The following PARD3 variants were observed in gnomAD, a reference collection of about 807,000 sequenced individuals.
PARD3 encodes the protein par-3 family cell polarity regulator.
In PARD3, 75 loss-of-function variants were observed where a neutral mutation model predicts 155.4. That is an observed-to-expected ratio of 0.48 (90% CI 0.40 to 0.58). The LOEUF (loss-of-function observed/expected upper bound fraction) is 0.58. PARD3 is among the 20% of genes least tolerant of loss of function. The pLI, the probability that PARD3 is intolerant of heterozygous loss-of-function variation, is 0.00. For missense variants in PARD3, 1,642 were observed against 1,721.7 expected (o/e 0.95, Z 0.82); for synonymous variants, 576 against 610.5 (o/e 0.94, Z 0.83).
intron 2 of PARD3, among the ~76,000 whole-genome samples, chr10:34,694,341 G>A (rs1041904125): frequency 6.6e-6 from 1 of 151,894 alleles, no homozygotes; most frequent in Non-Finnish European, 1.5e-5. Flanking sequence ...AATGAAAGAT[G>A]GTACTCTTCA....
intron 2 of PARD3, among the ~76,000 whole-genome samples, chr10:34,639,373 AAAAAT>A (rs1160758540): frequency 1.1e-4 from 17 of 152,000 alleles, no homozygotes; most frequent in African/African-American, 3.9e-4. Flanking sequence ...TCAAAAAAAT[AAAAAT>A]AAAAGTAAAA....
intron 1 of PARD3, among the ~76,000 whole-genome samples, chr10:34,697,429 T>C (rs1425418857): frequency 2.6e-5 from 4 of 152,160 alleles, no homozygotes; most frequent in African/African-American, 9.7e-5. Flanking sequence ...AGAGTTAAAA[T>C]ACAGATTCCT....
chr10:34,383,244 A>T, intron 8 of PARD3, among the ~76,000 whole-genome samples: 1 of 152,224 alleles, frequency 6.6e-6, no homozygotes, highest in Middle Eastern at 3.2e-3. Flanking sequence ...ATAGAAACCA[A>T]ATGGAACATT....
At chr10:34,381,257 C>T (rs1359924056) in intron 9 of PARD3, among the ~76,000 whole-genome samples, 1 of 152,118 alleles carries the variant, frequency 6.6e-6, no homozygotes, top group African/African-American at 2.4e-5. Context: ...CTGTGGCCAA[C>T]AGCCACATGA....
chr10:34,457,021 T>G (rs1374426910), intron 4 of PARD3, among the ~76,000 whole-genome samples: 5 of 152,222 alleles, frequency 3.3e-5, no homozygotes, highest in Admixed American at 3.3e-4. Context: ...ACAATTCCTG[T>G]CATGGCAGCA....
chr10:34,568,795 T>C (rs7899568), intron 2 of PARD3, among the ~76,000 whole-genome samples: 82,050 of 152,100 alleles, frequency 0.54, 25,315 homozygotes, highest in African/African-American at 0.87. Context: ...ATTTCCTCAA[T>C]TGTAAAAAAG....
At chr10:34,585,089 C>T (rs1286131834) in intron 2 of PARD3, among the ~76,000 whole-genome samples, 1 of 152,104 alleles carries the variant, frequency 6.6e-6, no homozygotes, top group Non-Finnish European at 1.5e-5. Flanking sequence ...TCTTCTAGAT[C>T]ATTAAAAGAA....
chr10:34,764,489 T>C (rs940221189), intron 1 of PARD3, among the ~76,000 whole-genome samples: 3 of 152,132 alleles, frequency 2.0e-5, no homozygotes, highest in African/African-American at 7.2e-5. Context: ...TTGGGGGATT[T>C]GCTTTGAACT....
intron 1 of PARD3, among the ~76,000 whole-genome samples, chr10:34,709,919 A>G (rs1260727745): frequency 6.6e-6 from 1 of 152,082 alleles, no homozygotes. Flanking sequence ...AAACAAATTT[A>G]ATGACCCAGG....
intron 2 of PARD3, among the ~76,000 whole-genome samples, chr10:34,558,474 T>C (rs558889239): frequency 1.7e-4 from 26 of 152,282 alleles, no homozygotes; most frequent in African/African-American, 6.3e-4. Flanking sequence ...GGGGAATGAG[T>C]TCTATCTCCT....
At chr10:34,677,402 C>T (rs1268792768) in intron 2 of PARD3, among the ~76,000 whole-genome samples, 1 of 151,588 alleles carries the variant, frequency 6.6e-6, no homozygotes, top group Non-Finnish European at 1.5e-5. Context: ...ACTGCTTCAG[C>T]CCAGGAGATT....
chr10:34,702,569 C>T (rs575812773), intron 1 of PARD3, among the ~76,000 whole-genome samples: 4 of 152,164 alleles, frequency 2.6e-5, no homozygotes, highest in East Asian at 1.9e-4. Context: ...TGTAGAGGTG[C>T]CTTGTTGAAA....
chr10:34,136,490 T>C (rs1200694433), intron 22 of PARD3, among the ~76,000 whole-genome samples: 1 of 152,150 alleles, frequency 6.6e-6, no homozygotes, highest in Admixed American at 6.5e-5. Context: ...AAAGGAGAAG[T>C]AACCACTCTT....
rs529800120 is a variant in PARD3, at chr10:34,669,404, T to C, written c.222+26914A>G. ...ACTTATAAATGGGAGCTAAATAATG[T>C]ATACACACGGACACAGAGTGTGGAA... On this transcript the variant is annotated intron_variant, in intron 2 of 24. Transcript: ENST00000374788. Among the ~76,000 whole-genome samples the C allele has an allele frequency of 3.5e-4, 53 of 152,226 alleles. 2 individuals carry two copies. The East Asian group carries it at 9.1e-3, about 26-fold the overall frequency.
At chr10:34,364,622 C>G (rs1839790703) in intron 12 of PARD3, among the ~76,000 whole-genome samples, 2 of 152,066 alleles carry the variant, frequency 1.3e-5, no homozygotes, top group Admixed American at 1.3e-4. Context: ...TTTGTAGAGA[C>G]AGGGTCTTGA....
intron 22 of PARD3, among the ~76,000 whole-genome samples, chr10:34,167,202 G>A (rs565262327): frequency 7.2e-5 from 11 of 152,260 alleles, no homozygotes; most frequent in African/African-American, 2.4e-4. Flanking sequence ...TCACTAATAA[G>A]TATTCATATA....
At chr10:34,449,212 C>T (rs898418503) in intron 5 of PARD3, among the ~76,000 whole-genome samples, 3 of 151,742 alleles carry the variant, frequency 2.0e-5, no homozygotes, top group Admixed American at 1.3e-4. Flanking sequence ...CCACCGCACC[C>T]GGCAGATAAA....
At chr10:34,232,033 T>G (rs959693966) in intron 22 of PARD3, among the ~76,000 whole-genome samples, 2 of 152,066 alleles carry the variant, frequency 1.3e-5, no homozygotes, top group Non-Finnish European at 2.9e-5. Flanking sequence ...TGTTAGGCGC[T>G]TCACAGAACT....
At chr10:34,367,618 T>C (rs1255685361) in intron 12 of PARD3, among the ~76,000 whole-genome samples, 2 of 152,096 alleles carry the variant, frequency 1.3e-5, no homozygotes, top group Non-Finnish European at 2.9e-5. Context: ...GCAGGAGAAT[T>C]GCTTGAGCCT....
Sources: gnomAD v4.1 joint callset for allele counts (sites outside exome capture counted in the v4.1 genomes callset) on GRCh38, gnomAD v4.1.1 for gene constraint, MANE v1.5 for transcripts, NCBI Gene and HGNC (gene_info 2026-07-23, HGNC 2026-07-21) for gene names.